SLIT1: variants seen among roughly 807,000 people sequenced by gnomAD.
SLIT1 encodes the protein slit homolog 1 protein.
Under a neutral mutation model 186.1 loss-of-function variants are expected in SLIT1, and 66 were observed. The ratio of observed to expected loss-of-function variants is 0.35; its 90% CI spans 0.29 to 0.44. The LOEUF (loss-of-function observed/expected upper bound fraction) is 0.44. Among genes scored for constraint, SLIT1 ranks in the 20% least tolerant of loss-of-function variants. SLIT1 has a pLI of 1.00. For synonymous variants in SLIT1, 761 were observed against 833.8 expected, an observed-to-expected ratio of 0.91 and a Z score of 1.50; for missense variants, 1,638 against 2,037.4, an observed-to-expected ratio of 0.80 and a Z score of 3.77.
At position 97,047,695 on chromosome 10, in the gene SLIT1, T is replaced by A; in HGVS notation, c.1629A>T (p.Ala543=). 6.2e-7 allele frequency: 1 copy of A among 1,613,680 alleles called. No individual in the cohort carries two copies. The highest frequency in any genetic ancestry group is 1.3e-5 in the African/African-American group (1 of 75,040). ...GGGGGGCCAGGGACCCTCACAGTTC[T>A]GCCGTGGACTGGGGGATGCGCTCAG... ...KIPERIPQST[A]ELRLNNNEIS... The change falls in exon 16 of 37, where the codon GCA becomes GCT. Residue 543 remains alanine (A), a synonymous_variant. Transcript: ENST00000266058.
intron 1 of SLIT1, among the ~76,000 whole-genome samples, chr10:97,185,213 A>C (rs1850394719): frequency 1.3e-5 from 2 of 152,260 alleles, no homozygotes; most frequent in African/African-American, 4.8e-5. Context: ...GGAGGGCCTG[A>C]GGGTGCGGAG....
intron 4 of SLIT1, among the ~76,000 whole-genome samples, chr10:97,066,813 A>G (rs1326723967): frequency 6.6e-6 from 1 of 151,902 alleles, no homozygotes; most frequent in Non-Finnish European, 1.5e-5. Context: ...CACAGAGGTC[A>G]GCCCACCAGA....
rs377302307 is a variant in SLIT1 at position 97,004,772 on chromosome 10, G to A, written c.3631C>T (p.His1211Tyr). 56 of 1,614,020 alleles carry A rather than the reference G, an allele frequency of 3.5e-5. No individual in the cohort carries two copies. Among genetic ancestry groups the A allele is most frequent in the Non-Finnish European group, 4.5e-5 (53 of 1,180,010 alleles). The stretch of plus-strand genomic sequence containing the variant: ...CCCTGGTACAGCTCAACTGCAATGT[G>A]GTCGTTGTCCCCGTTGTACAGAAGG... Reference protein sequence around the residue: ...GILLYNGDNDHIAVELYQGHV... With the variant: ...GILLYNGDNDYIAVELYQGHV... The change falls in exon 33 of 37, where the codon CAC becomes TAC. Residue 1211 changes from histidine to tyrosine, a missense_variant. By Grantham distance (83) the His-to-Tyr change is moderately conservative. Transcript: ENST00000266058. The surrounding 1 kb of genome is among the most constrained non-coding windows in gnomAD (Gnocchi z 5.1).
At chr10:97,174,406 C>G (rs562567899) in intron 1 of SLIT1, among the ~76,000 whole-genome samples, 1 of 152,232 alleles carries the variant, frequency 6.6e-6, no homozygotes, top group African/African-American at 2.4e-5. Context: ...TGGGCCTTCC[C>G]CACATCCTCA....
At chr10:97,173,490 C>T (rs910653886) in intron 1 of SLIT1, among the ~76,000 whole-genome samples, 3 of 139,950 alleles carry the variant, frequency 2.1e-5, no homozygotes, top group Admixed American at 8.0e-5. Context: ...ATCCCAGCTC[C>T]ATCCTTTTTT....
intron 1 of SLIT1, among the ~76,000 whole-genome samples, chr10:97,168,610 C>G (rs993133503): frequency 6.6e-6 from 1 of 152,198 alleles, no homozygotes; most frequent in Non-Finnish European, 1.5e-5. Context: ...TATCAAGTTA[C>G]TGGACCACTC....
At chr10:97,019,197 C>A in intron 26 of SLIT1, 90 bp from the exon 27 acceptor site, 1 of 818,584 alleles carries the variant, frequency 1.2e-6, no homozygotes, top group Admixed American at 2.1e-5. Context: ...AGCCCATGTC[C>A]AAGGAGCCGT....
Position 97,043,296 on chromosome 10 carries a change from C to A in SLIT1, c.1997+74G>T. 6.3e-7 allele frequency: 1 copy of A among 1,587,410 alleles called. No individual in the cohort carries two copies. Among genetic ancestry groups the A allele is most frequent in the Admixed American group, 1.7e-5 (1 of 58,848 alleles). ...CCAGCACCCCCAGGGTGAGCTCTTT[C>A]AAAGTGGCTGGCCGAGACGGTTGGG... On this transcript the variant is annotated intron_variant, in intron 19 of 36. Transcript: ENST00000266058. This position sits in a 1 kb window ranked among gnomAD's most constrained non-coding sequence, Gnocchi z 7.0.
intron 8 of SLIT1, among the ~76,000 whole-genome samples, 173 bp downstream of exon 8, chr10:97,063,282 A>G (rs1848910046): frequency 7.1e-6 from 1 of 141,278 alleles, no homozygotes; most frequent in African/African-American, 2.7e-5. Context: ...AGGGGCAGAT[A>G]GTGGGGTCAG....
intron 4 of SLIT1, among the ~76,000 whole-genome samples, chr10:97,072,554 GCC>G (rs1488687596): frequency 6.6e-6 from 1 of 152,180 alleles, no homozygotes; most frequent in African/African-American, 2.4e-5. Flanking sequence ...GATGCCAACG[GCC>G]ATCAAGAGAT....
chr10:97,120,357 T>C (rs912390268), intron 4 of SLIT1, among the ~76,000 whole-genome samples: 4 of 152,132 alleles, frequency 2.6e-5, no homozygotes, highest in Non-Finnish European at 5.9e-5. Context: ...CTTTCCAATG[T>C]CTGCTTTACA....
At chr10:97,176,472 C>T (rs979846304) in intron 1 of SLIT1, among the ~76,000 whole-genome samples, 3 of 152,146 alleles carry the variant, frequency 2.0e-5, no homozygotes, top group African/African-American at 7.2e-5. Flanking sequence ...TGCCTCTATG[C>T]TGCAGGCAAC....
At chr10:97,135,437 A>AC (rs1425720078) in intron 4 of SLIT1, among the ~76,000 whole-genome samples, 1 of 152,210 alleles carries the variant, frequency 6.6e-6, no homozygotes, top group African/African-American at 2.4e-5. Context: ...GAGCCAGGGC[A>AC]ACAGAACAGT....
At chr10:97,034,768 T>TCCTGACCCTCACCCCCATCC (rs1231370461) in intron 22 of SLIT1, among the ~76,000 whole-genome samples, 150 of 152,194 alleles carry the variant, frequency 9.9e-4, no homozygotes, top group Admixed American at 3.5e-3. Context: ...TGCCTCCATT[T>TCCTGACCCTCACCCCCATCC]CCTGACCCTC....
chr10:97,160,789 C>T (rs1339548807), intron 3 of SLIT1, among the ~76,000 whole-genome samples: 1 of 152,184 alleles, frequency 6.6e-6, no homozygotes, highest in African/African-American at 2.4e-5. Flanking sequence ...GGCATGATCT[C>T]GGCTCACCGC....
At chr10:97,060,867 G>C (rs768174965) in intron 8 of SLIT1, 80 bp from the exon 9 acceptor site, 134 of 1,429,622 alleles carry the variant, frequency 9.4e-5, no homozygotes, top group Non-Finnish European at 1.2e-4. Flanking sequence ...TGATGGATGG[G>C]ATAGGGTGTA....
intron 7 of SLIT1, 25 bp downstream of exon 7, chr10:97,064,128 GGCTTGGCTGCCCCGC>G: frequency 1.3e-6 from 2 of 1,555,154 alleles, no homozygotes; most frequent in South Asian, 1.2e-5. Context: ...GCATCAACCG[GGCTTGGCTGCCCCGC>G]TCCCAGCTGC....
chr10:97,174,013 G>C (rs1045892013), intron 1 of SLIT1, among the ~76,000 whole-genome samples: 3 of 152,170 alleles, frequency 2.0e-5, no homozygotes, highest in Admixed American at 6.5e-5. Flanking sequence ...TTCTGGCCTG[G>C]AGCAGCCTAG....
intron 26 of SLIT1, 35 bp from the exon 27 acceptor site, chr10:97,019,142 G>A (rs1218812815): frequency 7.4e-7 from 1 of 1,343,596 alleles, no homozygotes; most frequent in Non-Finnish European, 1.1e-6. Context: ...GCAGGGGGAG[G>A]GGTGGGCAGC....
Sources: allele counts gnomAD v4.1 joint callset (sites outside exome capture counted in the v4.1 genomes callset), GRCh38; gene constraint gnomAD v4.1.1; non-coding constraint Gnocchi (gnomAD v3.1); transcripts MANE v1.5; gene names NCBI Gene and HGNC (gene_info 2026-07-23, HGNC 2026-07-21).